SLC49A4: variants seen among roughly 807,000 people sequenced by gnomAD.
The protein encoded by SLC49A4 is disrupted in renal cancer protein 2.
A neutral mutation model predicts 50.6 loss-of-function variants in SLC49A4; 36 were observed. That is an observed-to-expected ratio of 0.71 (90% CI 0.55 to 0.94). The LOEUF is 0.94. Among genes scored for constraint, SLC49A4 ranks in the 40% least tolerant of loss-of-function variants. SLC49A4 has a pLI of 0.00. For synonymous variants in SLC49A4, 248 were observed against 241.2 expected (o/e 1.03, Z -0.26); for missense variants, 503 against 605.7 (o/e 0.83, Z 1.78).
At chr3:122,855,543 A>G (rs1936976759) in intron 5 of SLC49A4, among the ~76,000 whole-genome samples, 1 of 152,232 alleles carries the variant, frequency 6.6e-6, no homozygotes, top group Non-Finnish European at 1.5e-5. Flanking sequence ...AAGCCAAGTC[A>G]TAATAAGAGT....
intron 5 of SLC49A4, among the ~76,000 whole-genome samples, chr3:122,855,259 A>G (rs143106860): frequency 6.6e-6 from 1 of 152,336 alleles, no homozygotes; most frequent in Non-Finnish European, 1.5e-5. Flanking sequence ...AATGCTTAGG[A>G]TAATTATTCT....
chr3:122,805,600 T>C (rs1936207156), intron 1 of SLC49A4, among the ~76,000 whole-genome samples: 1 of 152,186 alleles, frequency 6.6e-6, no homozygotes, highest in Non-Finnish European at 1.5e-5. Context: ...TGGGAAAAAT[T>C]TGAAGCAATG....
intron 6 of SLC49A4, among the ~76,000 whole-genome samples, chr3:122,857,266 A>T (rs1576308252): frequency 6.8e-6 from 1 of 148,090 alleles, no homozygotes; most frequent in East Asian, 2.0e-4. Context: ...AGAAGTAGGA[A>T]AAAGGTCCCA....
intron 3 of SLC49A4, among the ~76,000 whole-genome samples, chr3:122,827,721 T>C (rs1323871253): frequency 6.6e-6 from 1 of 152,206 alleles, no homozygotes; most frequent in East Asian, 1.9e-4. Flanking sequence ...TTTGTAGGTG[T>C]TTACTATATG....
chr3:122,802,563 G>C (rs1001912140), intron 1 of SLC49A4, among the ~76,000 whole-genome samples: 1 of 152,174 alleles, frequency 6.6e-6, no homozygotes, highest in African/African-American at 2.4e-5. Flanking sequence ...GATCACACAG[G>C]CTGGGAATAG....
At chr3:122,820,804 G>A (rs1015246690) in intron 2 of SLC49A4, among the ~76,000 whole-genome samples, 7 of 152,240 alleles carry the variant, frequency 4.6e-5, no homozygotes, top group Admixed American at 3.9e-4. Context: ...CCACAGGCTA[G>A]AAGTCTCAGC....
At chr3:122,837,116 C>T (rs1233794003) in intron 4 of SLC49A4, among the ~76,000 whole-genome samples, 4 of 152,260 alleles carry the variant, frequency 2.6e-5, no homozygotes, top group East Asian at 1.9e-4. Flanking sequence ...GAATCAATAT[C>T]GTGAAAATGG....
At chr3:122,860,502 C>G (rs770523978) in intron 7 of SLC49A4, among the ~76,000 whole-genome samples, 1 of 152,048 alleles carries the variant, frequency 6.6e-6, no homozygotes. Flanking sequence ...AGATTTTTAT[C>G]TTGGTTATAG....
chr3:122,818,118 G>A (rs932905519), intron 2 of SLC49A4, among the ~76,000 whole-genome samples: 2 of 152,150 alleles, frequency 1.3e-5, no homozygotes, highest in Admixed American at 6.5e-5. Flanking sequence ...ATTAATATTA[G>A]CAAATAAGTT....
chr3:122,842,861 T>G (rs976519000), intron 4 of SLC49A4, among the ~76,000 whole-genome samples: 9 of 152,206 alleles, frequency 5.9e-5, no homozygotes, highest in Non-Finnish European at 8.8e-5. Flanking sequence ...AGCTTCTACC[T>G]TTGGGCTCTC....
At chr3:122,826,499 TGAAGCAA>T (rs1487922407) in intron 2 of SLC49A4, among the ~76,000 whole-genome samples, 6 of 152,162 alleles carry the variant, frequency 3.9e-5, no homozygotes, top group Non-Finnish European at 8.8e-5. Context: ...AACAACTAAA[TGAAGCAA>T]GGTTCTAAGT....
intron 2 of SLC49A4, among the ~76,000 whole-genome samples, chr3:122,813,761 T>C (rs975724095): frequency 6.6e-6 from 1 of 152,206 alleles, no homozygotes; most frequent in Non-Finnish European, 1.5e-5. Flanking sequence ...GATAACAATT[T>C]AACATATAAT....
intron 3 of SLC49A4, among the ~76,000 whole-genome samples, chr3:122,832,757 A>G (rs1271216850): frequency 6.6e-6 from 1 of 152,306 alleles, no homozygotes; most frequent in Middle Eastern, 3.4e-3. Context: ...CCATAGTATC[A>G]GCATATACAT....
intron 3 of SLC49A4, among the ~76,000 whole-genome samples, 175 bp from the exon 4 acceptor site, chr3:122,833,142 G>A (rs1292923432): frequency 6.6e-6 from 1 of 152,158 alleles, no homozygotes; most frequent in Non-Finnish European, 1.5e-5. Flanking sequence ...TTGGGAGGCT[G>A]AGGCAGGAGG....
At chr3:122,834,054 G>T (rs1936642186) in intron 4 of SLC49A4, among the ~76,000 whole-genome samples, 2 of 152,056 alleles carry the variant, frequency 1.3e-5, no homozygotes, top group African/African-American at 2.4e-5. Flanking sequence ...TAATTCTTGG[G>T]ATATATAAAA....
chr3:122,863,012 A>G (rs1438473004), intron 7 of SLC49A4, among the ~76,000 whole-genome samples: 1 of 152,224 alleles, frequency 6.6e-6, no homozygotes. Flanking sequence ...TTGGACAGAA[A>G]GGAAAGCAGA....
At chr3:122,814,110 A>AATT (rs1936333799) in intron 2 of SLC49A4, among the ~76,000 whole-genome samples, 1 of 152,192 alleles carries the variant, frequency 6.6e-6, no homozygotes, top group Admixed American at 6.5e-5. Flanking sequence ...GTCTCTACTA[A>AATT]AAATACGAAA....
At chr3:122,843,818 G>A (rs907000240) in intron 4 of SLC49A4, among the ~76,000 whole-genome samples, 3 of 152,160 alleles carry the variant, frequency 2.0e-5, no homozygotes, top group Non-Finnish European at 4.4e-5. Context: ...AGACCGCTTC[G>A]TAAGTGATGC....
At chr3:122,801,088 G>A (rs1936121482) in intron 1 of SLC49A4, among the ~76,000 whole-genome samples, 1 of 152,192 alleles carries the variant, frequency 6.6e-6, no homozygotes, top group Non-Finnish European at 1.5e-5. Context: ...TTTACCAGGT[G>A]AATAGGACTG....
Sources: gnomAD v4.1 joint callset for allele counts (sites outside exome capture counted in the v4.1 genomes callset) on GRCh38, gnomAD v4.1.1 for gene constraint, MANE v1.5 for transcripts, NCBI Gene and HGNC (gene_info 2026-07-23, HGNC 2026-07-21) for gene names.